The following DNAH9 variants were observed in gnomAD, a reference collection of about 807,000 sequenced individuals.
DNAH9 encodes dynein axonemal heavy chain 9.
Under a neutral mutation model 471.6 loss-of-function variants are expected in DNAH9, and 345 were observed. The ratio of observed to expected loss-of-function variants is 0.73; its 90% confidence interval spans 0.67 to 0.80. The LOEUF is 0.80. Ranked by LOEUF, DNAH9 falls within the 30% of genes least tolerant of loss-of-function variation. The pLI is 0.00. For missense variants in DNAH9, 5,407 were observed against 5,609.2 expected, an observed-to-expected ratio of 0.96 and a Z score of 1.15; for synonymous variants, 2,093 against 2,123.6, an observed-to-expected ratio of 0.99 and a Z score of 0.40.
chr17:11,732,397 T>C (rs1473185465), intron 28 of DNAH9, among the ~76,000 whole-genome samples: 1 of 152,074 alleles, frequency 6.6e-6, no homozygotes, highest in Non-Finnish European at 1.5e-5. Flanking sequence ...TTGCACCTAA[T>C]TATTCACACG....
intron 24 of DNAH9, among the ~76,000 whole-genome samples, chr17:11,703,801 C>T (rs143916882): frequency 1.6e-4 from 24 of 152,196 alleles, no homozygotes; most frequent in African/African-American, 5.3e-4. Context: ...GGTTGTCAGA[C>T]CACAGAGGAG....
Position 11,679,977 on chromosome 17 carries a change from G to T in DNAH9, c.3574G>T (p.Glu1192Ter). Residue 1192 changes from glutamate (E) to a stop codon, truncating the protein, a stop_gained and splice_region_variant, in exon 18 of 69, where the codon GAG becomes TAG. Transcript: ENST00000262442. LOFTEE classifies it high-confidence loss of function. ...GCCAGAAACAGTGTTTAAGCAGCTGGAGGTCAGTGCATTTATGTCTTCCTT... is the reference window on the plus strand; with the variant it reads ...GCCAGAAACAGTGTTTAAGCAGCTGTAGGTCAGTGCATTTATGTCTTCCTT... ...ELPETVFKQL[E>*]ELPEKWNNIK... is the part of the protein sequence containing the mutation. The T allele has an allele frequency of 6.2e-7, 1 of 1,611,688 alleles. No homozygotes were observed. Among genetic ancestry groups the T allele is most frequent in the Non-Finnish European group, 8.5e-7 (1 of 1,177,886 alleles).
At chr17:11,671,287 TACTC>T (rs1384941057) in intron 17 of DNAH9, among the ~76,000 whole-genome samples, 3 of 152,182 alleles carry the variant, frequency 2.0e-5, no homozygotes, top group East Asian at 1.9e-4. Flanking sequence ...GATAGGTTAT[TACTC>T]ACAGTTCCCA....
chr17:11,704,263 C>T lies in DNAH9; in HGVS notation c.5212C>T (p.Leu1738=). Residue 1738 remains leucine, a synonymous_variant, in exon 25 of 69, where the codon CTG becomes TTG. Transcript: ENST00000262442. ...AGAAGTGGGCATGGCATTTGCCAGG[C>T]TGGAGGAAGGCTATGAGAGTGCCAT... is the stretch of plus-strand genomic sequence containing the variant. ...TTEVGMAFAR[L]EEGYESAMKD... 6.2e-7 allele frequency: 1 copy of T among 1,614,134 alleles called. No homozygotes were observed. The highest frequency in any genetic ancestry group is 8.5e-7 in the Non-Finnish European group (1 of 1,180,002).
chr17:11,880,209 C>G lies in DNAH9; in HGVS notation c.10601+9C>G, dbSNP rs766203158. 2 of 1,612,570 alleles carry G rather than the reference C, an allele frequency of 1.2e-6. No individual in the cohort carries two copies. The highest frequency in any genetic ancestry group is 4.5e-5 in the East Asian group (2 of 44,836). ...GTCATTAAAAAAGGACGGTAAGACT[C>G]AGCTGTGTTGCTGACCCTTCGGGGG... On this transcript the variant is annotated intron_variant, in intron 54 of 68. Coordinates refer to ENST00000262442, the MANE Select transcript of DNAH9 (RefSeq NM_001372.4).
chr17:11,867,612 T>C (rs1203588031), intron 50 of DNAH9, among the ~76,000 whole-genome samples: 1 of 152,270 alleles, frequency 6.6e-6, no homozygotes, highest in Admixed American at 6.5e-5. Flanking sequence ...CTGCCTCTTC[T>C]TCCTAGGTCA....
Position 11,690,172 on chromosome 17 carries a change from G to T in DNAH9, c.4350G>T (p.Gln1450His). The change falls in exon 20 of 69, where the codon CAG becomes CAT. Residue 1450 changes from glutamine (Q) to histidine (H), a missense_variant. Around this residue, in one of 3 missense-constraint regions of DNAH9, gnomAD observed 4,636 missense variants for 4,900.3 expected, o/e 0.95. Transcript: ENST00000262442. The stretch of plus-strand genomic sequence containing the variant: ...CTACCTGGGCTGGCATGGAATTCCA[G>T]TATGAGCCCCACCCACGGACCAATG... ...LQTTWAGMEF[Q>H]YEPHPRTNVP... 1.2e-6 allele frequency: 2 copies of T among 1,614,220 alleles called. No homozygotes were observed. The highest frequency in any genetic ancestry group is 1.7e-6 in the Non-Finnish European group (2 of 1,180,040).
intron 28 of DNAH9, among the ~76,000 whole-genome samples, chr17:11,735,593 G>T (rs927433665): frequency 2.0e-5 from 3 of 152,014 alleles, no homozygotes; most frequent in African/African-American, 7.3e-5. Context: ...GTGCCACCAG[G>T]CCTGGCTAAT....
chr17:11,879,975 A>G (rs552035798), intron 53 of DNAH9, 103 bp from the exon 54 acceptor site: 6 of 1,386,808 alleles, frequency 4.3e-6, no homozygotes, highest in South Asian at 4.2e-5. Flanking sequence ...TGTGCCTCCA[A>G]CTATACCACC....
At chr17:11,828,982 T>C (rs970789545) in intron 48 of DNAH9, among the ~76,000 whole-genome samples, 7 of 152,104 alleles carry the variant, frequency 4.6e-5, no homozygotes, top group African/African-American at 1.7e-4. Context: ...GATAGGTGAA[T>C]AGATGAAGGG....
At chr17:11,614,675 G>C (rs2072706312) in intron 4 of DNAH9, among the ~76,000 whole-genome samples, 1 of 152,208 alleles carries the variant, frequency 6.6e-6, no homozygotes, top group African/African-American at 2.4e-5. Flanking sequence ...GCACTGGCAG[G>C]TTGGGTGTCC....
At chr17:11,667,012 A>G (rs532028751) in intron 15 of DNAH9, among the ~76,000 whole-genome samples, 72 of 152,232 alleles carry the variant, frequency 4.7e-4, no homozygotes, top group Admixed American at 3.6e-3. Context: ...TACCTAGTAA[A>G]ATGATTTACG....
At chr17:11,857,761 C>T (rs972348644) in intron 50 of DNAH9, among the ~76,000 whole-genome samples, 19 of 152,130 alleles carry the variant, frequency 1.2e-4, no homozygotes, top group African/African-American at 4.6e-4. Flanking sequence ...TAGTTTGGTG[C>T]TGTCTTTATG....
At chr17:11,853,676 A>C (rs1479451442) in intron 49 of DNAH9, among the ~76,000 whole-genome samples, 1 of 152,236 alleles carries the variant, frequency 6.6e-6, no homozygotes, top group Non-Finnish European at 1.5e-5. Context: ...TTTTATTCAT[A>C]GCATGCTGCA....
At chr17:11,757,924 C>G (rs1446945867) in intron 35 of DNAH9, among the ~76,000 whole-genome samples, 3 of 152,114 alleles carry the variant, frequency 2.0e-5, no homozygotes, top group Non-Finnish European at 4.4e-5. Context: ...ATTGAAAGTC[C>G]CTTTCGTGAG....
chr17:11,757,323 T>C (rs1169847166), intron 34 of DNAH9, among the ~76,000 whole-genome samples: 3 of 152,040 alleles, frequency 2.0e-5, no homozygotes, highest in Admixed American at 6.6e-5. Flanking sequence ...TTTGAGAATC[T>C]CTCTAGGATT....
At chr17:11,879,272 T>A (rs1972623909) in intron 53 of DNAH9, among the ~76,000 whole-genome samples, 1 of 152,094 alleles carries the variant, frequency 6.6e-6, no homozygotes, top group African/African-American at 2.4e-5. Flanking sequence ...AACTTATTGG[T>A]ATATGCTGTC....
At chr17:11,691,770 C>T (rs1041733031) in intron 20 of DNAH9, among the ~76,000 whole-genome samples, 1 of 152,094 alleles carries the variant, frequency 6.6e-6, no homozygotes, top group African/African-American at 2.4e-5. Context: ...ATTGAGGAAT[C>T]ATAATTTACT....
intron 67 of DNAH9, among the ~76,000 whole-genome samples, chr17:11,954,519 G>A (rs1046610523): frequency 1.6e-5 from 2 of 122,346 alleles, no homozygotes; most frequent in African/African-American, 5.1e-5. Flanking sequence ...CCAGAAGAAA[G>A]TGGAGAACTA....
Sources: gnomAD v4.1 joint callset for allele counts (sites outside exome capture counted in the v4.1 genomes callset) on GRCh38, gnomAD v4.1.1 for gene constraint, gnomAD v4.1.1 regional missense constraint, MANE v1.5 for transcripts, NCBI Gene and HGNC (gene_info 2026-07-23, HGNC 2026-07-21) for gene names.